Variants in ABCG2 observed in about 807,000 individuals in gnomAD.
ABCG2 encodes the protein ATP binding cassette subfamily G member 2 (JR blood group).
Under a neutral mutation model 73.5 loss-of-function variants are expected in ABCG2, and 80 were observed. That is an observed-to-expected ratio of 1.09 (90% CI 0.91 to 1.31). ABCG2 has a LOEUF of 1.31. ABCG2 is among the 50% of genes most tolerant of loss of function. The probability of loss-of-function intolerance (pLI) is 0.00; values close to 1 mark genes in which losing one functional copy is unlikely to be tolerated. For missense variants in ABCG2, 796 were observed against 786.2 expected (o/e 1.01, Z -0.15); for synonymous variants, 269 against 282.4 (o/e 0.95, Z 0.48).
chr4:88,098,922 GC>G (rs2110181892), intron 12 of ABCG2, among the ~76,000 whole-genome samples: 2 of 152,196 alleles, frequency 1.3e-5, no homozygotes, highest in South Asian at 4.2e-4. Flanking sequence ...ACCAGCATGG[GC>G]AACACAGTGA....
chr4:88,144,706 G>A (rs964354882), intron 1 of ABCG2, among the ~76,000 whole-genome samples: 2 of 151,854 alleles, frequency 1.3e-5, no homozygotes, highest in Non-Finnish European at 2.9e-5. Context: ...ATCCGCCCAC[G>A]TCGGCCTCCA....
At chr4:88,200,438 G>C (rs1729111392) in intron 1 of ABCG2, among the ~76,000 whole-genome samples, 1 of 152,094 alleles carries the variant, frequency 6.6e-6, no homozygotes, top group African/African-American at 2.4e-5. Context: ...CAAAGTGCTG[G>C]GATTACAGGC....
At chr4:88,092,910 C>G (rs1721735733) in intron 15 of ABCG2, among the ~76,000 whole-genome samples, 2 of 152,122 alleles carry the variant, frequency 1.3e-5, no homozygotes, top group Admixed American at 6.6e-5. Context: ...ATTCCAAAAC[C>G]AGGAAAAGAG....
intron 1 of ABCG2, among the ~76,000 whole-genome samples, chr4:88,187,033 G>A (rs1268065614): frequency 7.1e-6 from 1 of 140,722 alleles, no homozygotes; most frequent in African/African-American, 2.6e-5. Context: ...GGCAGAGGTT[G>A]CAGTGAACTG....
Position 88,141,415 on chromosome 4 carries a change from C to T in ABCG2, c.-19-1401G>A, listed in dbSNP as rs191110821. Among the ~76,000 whole-genome samples, 9 of 152,278 alleles carry T rather than the reference C, an allele frequency of 5.9e-5. No individual in the cohort carries two copies. In the East Asian group the frequency reaches 1.7e-3, roughly 29 times the overall value. ...GAAGCTGCTAGAAGAAATGAGTCGG[C>T]TTACTGAAGCCTCTACTATTTCTGA... On this transcript the variant is annotated intron_variant, in intron 1 of 15. Coordinates refer to ENST00000237612, the MANE Select transcript of ABCG2 (RefSeq NM_004827.3).
chr4:88,112,320 G>A (rs910037805), intron 9 of ABCG2, among the ~76,000 whole-genome samples: 5 of 152,110 alleles, frequency 3.3e-5, no homozygotes, highest in South Asian at 2.1e-4. Context: ...TTGCACACAG[G>A]CTCTTCCCTT....
intron 1 of ABCG2, among the ~76,000 whole-genome samples, chr4:88,202,878 A>C (rs1729237859): frequency 2.0e-5 from 3 of 152,158 alleles, no homozygotes; most frequent in Non-Finnish European, 4.4e-5. Flanking sequence ...TAAATAAATA[A>C]GAAAATAAAT....
At chr4:88,211,372 C>T (rs961009278) in intron 1 of ABCG2, among the ~76,000 whole-genome samples, 1 of 123,918 alleles carries the variant, frequency 8.1e-6, no homozygotes, top group Admixed American at 8.2e-5. Context: ...CACCCCCCCC[C>T]ACTTTTGGAG....
chr4:88,224,445 A>G (rs1730125431), intron 1 of ABCG2, among the ~76,000 whole-genome samples: 1 of 151,932 alleles, frequency 6.6e-6, no homozygotes, highest in African/African-American at 2.4e-5. Context: ...TCTCAAAAAC[A>G]AAAAACAAAA....
chr4:88,186,501 G>A (rs4367138), intron 1 of ABCG2, among the ~76,000 whole-genome samples: 98,941 of 152,050 alleles, frequency 0.65, 32,517 homozygotes, highest in African/African-American at 0.73. Flanking sequence ...TATAAGCATG[G>A]TCGGTGGCTC....
At chr4:88,185,868 T>C (rs1379005721) in intron 1 of ABCG2, among the ~76,000 whole-genome samples, 1 of 152,158 alleles carries the variant, frequency 6.6e-6, no homozygotes, top group Non-Finnish European at 1.5e-5. Context: ...CTGTCAAGAA[T>C]GTGGAGGGAG....
At chr4:88,164,909 C>G (rs1727456217) in intron 1 of ABCG2, among the ~76,000 whole-genome samples, 1 of 152,116 alleles carries the variant, frequency 6.6e-6, no homozygotes, top group African/African-American at 2.4e-5. Flanking sequence ...TCCCAAGTAG[C>G]TGGGATTACA....
chr4:88,185,752 G>C (rs2110103274), intron 1 of ABCG2, among the ~76,000 whole-genome samples: 1 of 152,216 alleles, frequency 6.6e-6, no homozygotes, highest in Non-Finnish European at 1.5e-5. Flanking sequence ...TAAATGAAAA[G>C]GTACTCATTA....
intron 1 of ABCG2, among the ~76,000 whole-genome samples, chr4:88,193,944 CA>C (rs1728813480): frequency 1.3e-5 from 2 of 152,086 alleles, no homozygotes; most frequent in Admixed American, 1.3e-4. Context: ...GGGGTTTCAC[CA>C]TGTTGGCCAG....
chr4:88,164,575 G>T (rs1727440747), intron 1 of ABCG2, among the ~76,000 whole-genome samples: 1 of 152,132 alleles, frequency 6.6e-6, no homozygotes, highest in African/African-American at 2.4e-5. Flanking sequence ...TTCCCCTTCT[G>T]CCATGATTGT....
intron 1 of ABCG2, among the ~76,000 whole-genome samples, chr4:88,184,159 A>T (rs2110102212): frequency 6.6e-6 from 1 of 152,322 alleles, no homozygotes; most frequent in Middle Eastern, 3.4e-3. Flanking sequence ...CAAAACAAGG[A>T]TGCCCACTTT....
intron 1 of ABCG2, among the ~76,000 whole-genome samples, chr4:88,211,292 G>A (rs1345723652): frequency 2.7e-5 from 4 of 148,152 alleles, no homozygotes; most frequent in Admixed American, 2.1e-4. Flanking sequence ...GGTGGGGACT[G>A]AGCTTCTAGT....
upstream of ABCG2, chr4:88,164,033 A>G (rs1194047112): frequency 6.5e-6 from 1 of 153,928 alleles, no homozygotes; most frequent in South Asian, 2.0e-4. Flanking sequence ...TTAAAAAGGA[A>G]ATTGATATGG....
At chr4:88,125,750 C>T (rs569049683) in intron 5 of ABCG2, among the ~76,000 whole-genome samples, 18 of 151,126 alleles carry the variant, frequency 1.2e-4, no homozygotes, top group African/African-American at 2.9e-4. Context: ...AAAGACACAA[C>T]GTACTAGAAT....
Sources: gnomAD v4.1 joint callset for allele counts (sites outside exome capture counted in the v4.1 genomes callset) on GRCh38, gnomAD v4.1.1 for gene constraint, MANE v1.5 for transcripts, NCBI Gene and HGNC (gene_info 2026-07-23, HGNC 2026-07-21) for gene names.